The following SULF2 variants were observed in gnomAD, a reference collection of about 807,000 sequenced individuals.
SULF2 encodes extracellular sulfatase Sulf-2.
SULF2 carries 52 observed loss-of-function variants against 107.7 expected under a neutral mutation model. The observed-to-expected ratio is 0.48, with a 90% CI of 0.39 to 0.61. The LOEUF (loss-of-function observed/expected upper bound fraction) is 0.61, where lower values mean the gene tolerates loss of function less well. Among genes scored for constraint, SULF2 ranks in the 20% least tolerant of loss-of-function variants. SULF2 has a pLI of 0.00. For synonymous variants in SULF2, 460 were observed against 464.3 expected (o/e 0.99, Z 0.12); for missense variants, 993 against 1,177.3 (o/e 0.84, Z 2.29).
At chr20:47,702,409 A>G in intron 4 of SULF2, 110 bp downstream of exon 4, 3 of 1,318,060 alleles carry the variant, frequency 2.3e-6, no homozygotes, top group Non-Finnish European at 3.1e-6. Context: ...TCAAGGTCAC[A>G]CTTTTAAGTG....
At chr20:47,665,608 G>A (rs748862183) in intron 13 of SULF2, among the ~76,000 whole-genome samples, 3 of 152,230 alleles carry the variant, frequency 2.0e-5, no homozygotes, top group Non-Finnish European at 2.9e-5. Context: ...CTCCTGTAGC[G>A]TAGACTTCTT....
chr20:47,688,621 G>A (rs1169120803), intron 5 of SULF2, among the ~76,000 whole-genome samples: 3 of 152,148 alleles, frequency 2.0e-5, no homozygotes, highest in Non-Finnish European at 4.4e-5. Flanking sequence ...GCGGGGTGCC[G>A]GCTGCTGGGG....
chr20:47,688,705 A>T (rs2146532575), intron 5 of SULF2, among the ~76,000 whole-genome samples: 1 of 152,324 alleles, frequency 6.6e-6, no homozygotes, highest in African/African-American at 2.4e-5. Context: ...GCACAGCAGC[A>T]ATGCTGCAGC....
At chr20:47,715,584 T>C (rs1226147700) in intron 3 of SULF2, among the ~76,000 whole-genome samples, 2 of 14,550 alleles carry the variant, frequency 1.4e-4, no homozygotes, top group Non-Finnish European at 1.3e-3. Flanking sequence ...GAATGTCGAT[T>C]TTTTTTTTTT....
chr20:47,707,402 C>A (rs2088780892), intron 3 of SULF2, among the ~76,000 whole-genome samples: 1 of 152,198 alleles, frequency 6.6e-6, no homozygotes, highest in African/African-American at 2.4e-5. Flanking sequence ...CTCTTCAGGG[C>A]AAGTTCATCT....
chr20:47,736,095 A>G (rs887675269), intron 3 of SULF2, among the ~76,000 whole-genome samples: 3 of 152,088 alleles, frequency 2.0e-5, no homozygotes, highest in Non-Finnish European at 4.4e-5. Context: ...TTGCATCTCT[A>G]CCTCAGACAA....
At chr20:47,743,011 G>A (rs1315255606) in intron 2 of SULF2, among the ~76,000 whole-genome samples, 1 of 148,216 alleles carries the variant, frequency 6.7e-6, no homozygotes, top group Admixed American at 6.9e-5. Context: ...CTTCAGCTGG[G>A]AGCAGGGGAA....
intron 3 of SULF2, among the ~76,000 whole-genome samples, chr20:47,733,575 C>T (rs6066453): frequency 0.031 from 4,660 of 152,274 alleles, 130 homozygotes; most frequent in East Asian, 0.1. Flanking sequence ...GAGTTTGAGA[C>T]CAGCTTGGCC....
chr20:47,750,107 G>A (rs755303902), intron 2 of SULF2, among the ~76,000 whole-genome samples: 2 of 152,188 alleles, frequency 1.3e-5, no homozygotes, highest in African/African-American at 2.4e-5. Context: ...TCAGCCTCCC[G>A]AGTAGCTGGG....
chr20:47,761,561 G>A (rs1289361550), intron 1 of SULF2, among the ~76,000 whole-genome samples: 2 of 152,218 alleles, frequency 1.3e-5, no homozygotes, highest in African/African-American at 4.8e-5. Context: ...AAAGAAAGCT[G>A]AATCAGTGGA....
chr20:47,767,691 C>T (rs373290014), intron 1 of SULF2, among the ~76,000 whole-genome samples: 6 of 152,186 alleles, frequency 3.9e-5, no homozygotes, highest in Admixed American at 2.0e-4. Flanking sequence ...AGGAGAATGG[C>T]GTGAACCCAG....
intron 3 of SULF2, among the ~76,000 whole-genome samples, chr20:47,732,336 T>G (rs1432412178): frequency 6.6e-6 from 1 of 152,196 alleles, no homozygotes; most frequent in Non-Finnish European, 1.5e-5. Flanking sequence ...GCTAAATAAC[T>G]TGTCCAAGTT....
chr20:47,779,969 C>T (rs1372539081), intron 1 of SULF2, among the ~76,000 whole-genome samples: 1 of 150,868 alleles, frequency 6.6e-6, no homozygotes, highest in African/African-American at 2.4e-5. Context: ...TTTCTCATCT[C>T]TGACGTGCCC....
At chr20:47,696,404 C>CA (rs984943434) in intron 4 of SULF2, among the ~76,000 whole-genome samples, 1 of 151,210 alleles carries the variant, frequency 6.6e-6, no homozygotes, top group Non-Finnish European at 1.5e-5. Context: ...TCCTTACCAC[C>CA]CCCCCACCCC....
chr20:47,726,545 T>C (rs186242422), intron 3 of SULF2, among the ~76,000 whole-genome samples: 32 of 152,338 alleles, frequency 2.1e-4, no homozygotes, highest in Non-Finnish European at 3.5e-4. Flanking sequence ...TCTGTGCCAA[T>C]GGAAACATTC....
At chr20:47,676,936 G>T in intron 9 of SULF2, 142 bp downstream of exon 9, 1 of 854,664 alleles carries the variant, frequency 1.2e-6, no homozygotes, top group Admixed American at 2.3e-5. Context: ...AGCAGTGAAT[G>T]GGCTTTGTGT....
chr20:47,711,710 T>C lies in SULF2; in HGVS notation c.416-9040A>G, dbSNP rs529723325. Among the ~76,000 whole-genome samples, 4 of 152,372 alleles carry C rather than the reference T, an allele frequency of 2.6e-5. No individual in the cohort carries two copies. The East Asian group carries it at 7.7e-4, about 29-fold the overall frequency. ...CCATTTCATTAAATATTTATTCACT[T>C]TGATTTGGCAATTTGTCCTCATATT... On this transcript the variant is annotated intron_variant, in intron 3 of 20. Coordinates refer to ENST00000688720, the MANE Select transcript of SULF2 (RefSeq NM_001387048.1).
chr20:47,697,369 A>G (rs2088415466), intron 4 of SULF2, among the ~76,000 whole-genome samples: 1 of 152,080 alleles, frequency 6.6e-6, no homozygotes, highest in East Asian at 1.9e-4. Context: ...GGGGCTTACG[A>G]AGGGTTGCCG....
chr20:47,669,591 G>A (rs901318540), intron 11 of SULF2, among the ~76,000 whole-genome samples: 5 of 151,628 alleles, frequency 3.3e-5, no homozygotes, highest in South Asian at 2.1e-4. Context: ...GTGTCTTGTC[G>A]GAGACTCTAG....
Sources: allele counts gnomAD v4.1 joint callset (sites outside exome capture counted in the v4.1 genomes callset), GRCh38; gene constraint gnomAD v4.1.1; transcripts MANE v1.5; gene names NCBI Gene and HGNC (gene_info 2026-07-23, HGNC 2026-07-21).